EZH2: variants seen among roughly 807,000 people sequenced by gnomAD.
EZH2 encodes enhancer of zeste 2 polycomb repressive complex 2 subunit.
A neutral mutation model predicts 98.4 loss-of-function variants in EZH2; 18 were observed. The observed-to-expected ratio is 0.18, with a 90% CI of 0.13 to 0.27. The LOEUF (loss-of-function observed/expected upper bound fraction) is 0.27, where lower values mean the gene tolerates loss of function less well. Among genes scored for constraint, EZH2 ranks in the 10% least tolerant of loss-of-function variants. The pLI is 1.00. For missense variants in EZH2, 470 were observed against 935.1 expected, an observed-to-expected ratio of 0.50 and a Z score of 6.49; for synonymous variants, 338 against 312.3, an observed-to-expected ratio of 1.08 and a Z score of -0.87.
In EZH2 at chr7:148,830,367, G is replaced by A. The variant is rs1382784642; in HGVS notation, c.364-519C>T. Among the ~76,000 whole-genome samples the A allele has an allele frequency of 3.9e-5, 6 of 151,974 alleles. No homozygotes were observed. The East Asian group carries it at 1.2e-3, about 29-fold the overall frequency. On this transcript the variant is annotated intron_variant, in intron 4 of 19. Coordinates refer to ENST00000320356, the MANE Select transcript of EZH2 (RefSeq NM_004456.5). ...AACGCGCACTTTAGATGTTAATAGA[G>A]GATGATGAAATATGGTGTATCAAGA...
At chr7:148,808,946 C>T (rs1802301791) in intron 19 of EZH2, 125 bp downstream of exon 19, 2 of 684,764 alleles carry the variant, frequency 2.9e-6, no homozygotes, top group South Asian at 1.8e-5. Context: ...CCTAATTCCC[C>T]ACTAATGCTC....
At chr7:148,846,419 G>C (rs1202801610) in intron 3 of EZH2, 51 bp downstream of exon 3, 13 of 1,576,782 alleles carry the variant, frequency 8.2e-6, no homozygotes, top group Non-Finnish European at 1.1e-5. Context: ...TGTTCCAATA[G>C]CATAAACCAA....
At chr7:148,867,265 G>A (rs1818686506) in intron 1 of EZH2, among the ~76,000 whole-genome samples, 1 of 152,030 alleles carries the variant, frequency 6.6e-6, no homozygotes, top group South Asian at 2.1e-4. Context: ...GGCGGAGGTT[G>A]CAGTGGGCCG....
At chr7:148,814,482 G>A (rs983972922) in intron 14 of EZH2, among the ~76,000 whole-genome samples, 15 of 152,050 alleles carry the variant, frequency 9.9e-5, no homozygotes, top group Non-Finnish European at 2.1e-4. Context: ...AGCTTCATGT[G>A]CAGTCTCATT....
At chr7:148,862,210 CACATTA>C (rs145353292) in intron 1 of EZH2, among the ~76,000 whole-genome samples, 7,344 of 152,290 alleles carry the variant, frequency 0.048, 265 homozygotes, top group Middle Eastern at 0.082. Context: ...CCTACTCTGC[CACATTA>C]ACATTCATTA....
chr7:148,851,931 T>G (rs1378157547), intron 1 of EZH2, among the ~76,000 whole-genome samples: 3 of 152,222 alleles, frequency 2.0e-5, no homozygotes, highest in African/African-American at 4.8e-5. Context: ...AAGCCTTTAT[T>G]TAAACGACTT....
At chr7:148,829,698 T>C (rs747492511) in intron 5 of EZH2, 30 bp downstream of exon 5, 4 of 1,593,658 alleles carry the variant, frequency 2.5e-6, no homozygotes, top group Admixed American at 1.8e-5. Flanking sequence ...CTTTAGCCCC[T>C]TTTTCCAAGA....
Position 148,811,528 on chromosome 7 carries a change from C to T in EZH2, c.1947+97G>A, listed in dbSNP as rs985976295. 3.4e-5 allele frequency: 32 copies of T among 951,954 alleles called. No individual in the cohort carries two copies. The African/African-American group carries it at 3.5e-4, about 10-fold the overall frequency. The allele number at this position is 951,954 out of a possible 1,614,324, so 59.0% of individuals were successfully genotyped here. A position where few individuals can be genotyped will look rare whatever the true frequency, so the allele number is the denominator to read the frequency against. ...AAAGGCAGTTTATGGCAATTCATTT[C>T]CAATCAAACCCACAGACTTACCTAA... On this transcript the variant is annotated intron_variant, in intron 16 of 19. Coordinates refer to ENST00000320356, the MANE Select transcript of EZH2 (RefSeq NM_004456.5).
chr7:148,882,697 G>A (rs1041822922), intron 1 of EZH2, among the ~76,000 whole-genome samples: 7 of 152,104 alleles, frequency 4.6e-5, no homozygotes, highest in African/African-American at 1.7e-4. Flanking sequence ...TTTTTCAAAG[G>A]TTTATTAAAT....
chr7:148,848,402 T>A (rs1380131370), intron 1 of EZH2, among the ~76,000 whole-genome samples: 1 of 152,108 alleles, frequency 6.6e-6, no homozygotes, highest in African/African-American at 2.4e-5. Context: ...CAAATGATGA[T>A]TTAAATATGG....
chr7:148,881,324 G>C (rs1221332599), intron 1 of EZH2, among the ~76,000 whole-genome samples: 2 of 152,058 alleles, frequency 1.3e-5, no homozygotes, highest in African/African-American at 2.4e-5. Flanking sequence ...AGGTATCCTG[G>C]GAAAATTCCA....
At chr7:148,810,271 G>T (rs1336171223) in intron 17 of EZH2, 62 bp downstream of exon 17, 1 of 1,265,468 alleles carries the variant, frequency 7.9e-7, no homozygotes, top group South Asian at 1.2e-5. Context: ...CTGAACACTC[G>T]GCCGGCAGAA....
At chr7:148,861,799 T>C (rs1193454834) in intron 1 of EZH2, among the ~76,000 whole-genome samples, 1 of 95,672 alleles carries the variant, frequency 1.0e-5, no homozygotes, top group East Asian at 2.9e-4. Context: ...AGCCTTCTTT[T>C]ATTTAAAAAA....
intron 15 of EZH2, 52 bp downstream of exon 15, chr7:148,813,907 A>T (rs1803860621): frequency 6.4e-7 from 1 of 1,555,682 alleles, no homozygotes; most frequent in African/African-American, 1.4e-5. Context: ...TGACATTTGC[A>T]TCACTAAATA....
intron 13 of EZH2, 35 bp from the exon 14 acceptor site, chr7:148,815,074 C>G (rs1563204281): frequency 6.2e-7 from 1 of 1,605,820 alleles, no homozygotes; most frequent in African/African-American, 1.3e-5. Context: ...GCCAATGAAT[C>G]CAGGGAGATG....
In EZH2 at chr7:148,827,031, C is replaced by T; in HGVS notation, c.728+133G>A. On this transcript the variant is annotated intron_variant, in intron 7 of 19. Transcript: ENST00000320356. Reference sequence around the variant, plus strand: ...CAGAGTACCACAAGTACACATGTTGCTTCAAGTATCTTGCAAACACTGTAA... The same window carrying T: ...CAGAGTACCACAAGTACACATGTTGTTTCAAGTATCTTGCAAACACTGTAA... 4.7e-6 allele frequency: 3 copies of T among 637,984 alleles called. No individual in the cohort carries two copies. In the South Asian group the frequency reaches 7.4e-5, roughly 16 times the overall value. The allele number at this position is 637,984 out of a possible 1,614,324, so 39.5% of individuals were successfully genotyped here.
chr7:148,883,686 C>T (rs1274531801), intron 1 of EZH2, among the ~76,000 whole-genome samples: 1 of 151,592 alleles, frequency 6.6e-6, no homozygotes, highest in African/African-American at 2.4e-5. Flanking sequence ...CCTCCGGAGA[C>T]ACAGTCCGTC....
In EZH2 at chr7:148,814,094, G is replaced by A. The variant is rs1272923815; in HGVS notation, c.1716C>T (p.Asn572=). 1 of 1,614,150 alleles carries A rather than the reference G, an allele frequency of 6.2e-7. No individual in the cohort carries two copies. Among genetic ancestry groups the A allele is most frequent in the Admixed American group, 1.7e-5 (1 of 60,008 alleles). ...FPGCRCKAQC[N]TKQCPCYLAV... ...CCAGGTAGCACGGGCACTGCTTGGT[G>A]TTGCACTGTGCTTTGCAGCGGCATC... The change falls in exon 15 of 20, where the codon AAC becomes AAT. Residue 572 remains asparagine (N), a synonymous_variant. Coordinates refer to ENST00000320356, the MANE Select transcript of EZH2 (RefSeq NM_004456.5).
intron 18 of EZH2, 51 bp from the exon 19 acceptor site, chr7:148,809,206 G>A (rs753411025): frequency 1.3e-6 from 2 of 1,589,980 alleles, no homozygotes; most frequent in Admixed American, 1.7e-5. Context: ...GCCACGGGGG[G>A]TTAACTGACT....
Sources: allele counts gnomAD v4.1 joint callset (sites outside exome capture counted in the v4.1 genomes callset), GRCh38; gene constraint gnomAD v4.1.1; transcripts MANE v1.5; gene names NCBI Gene and HGNC (gene_info 2026-07-23, HGNC 2026-07-21).